Variants in PDE4D observed in about 807,000 individuals in gnomAD.
The protein encoded by PDE4D is phosphodiesterase 4D.
A neutral mutation model predicts 87.4 loss-of-function variants in PDE4D; 24 were observed. The observed-to-expected ratio is 0.27, with a 90% CI of 0.20 to 0.39. PDE4D has a LOEUF of 0.39. Among genes scored for constraint, PDE4D ranks in the 10% least tolerant of loss-of-function variants. PDE4D has a pLI of 1.00. For synonymous variants in PDE4D, 384 were observed against 383.2 expected (o/e 1.00, Z -0.02); for missense variants, 714 against 1,041.0 (o/e 0.69, Z 4.32).
chr5:59,971,072 T>C (rs1760691892), intron 3 of PDE4D, among the ~76,000 whole-genome samples: 1 of 151,542 alleles, frequency 6.6e-6, no homozygotes. Context: ...ATGGATGAAA[T>C]TGGAAATCAT....
At chr5:59,149,842 AT>A (rs139158971) in intron 5 of PDE4D, among the ~76,000 whole-genome samples, 1,636 of 149,380 alleles carry the variant, frequency 0.011, 24 homozygotes, top group African/African-American at 0.038. Flanking sequence ...GACTCATTAG[AT>A]TTTTTTTTAA....
intron 3 of PDE4D, among the ~76,000 whole-genome samples, chr5:59,934,986 C>T (rs1462303919): frequency 6.6e-6 from 1 of 152,060 alleles, no homozygotes; most frequent in African/African-American, 2.4e-5. Flanking sequence ...AATATAATCA[C>T]TGAAAATTTT....
intron 1 of PDE4D, among the ~76,000 whole-genome samples, chr5:59,719,053 T>C (rs1321002437): frequency 6.6e-6 from 1 of 150,576 alleles, no homozygotes; most frequent in Non-Finnish European, 1.5e-5. Flanking sequence ...TAAGGAGACA[T>C]AAGTGGCTTC....
chr5:60,067,429 G>C (rs1268530717), intron 2 of PDE4D, among the ~76,000 whole-genome samples: 1 of 151,964 alleles, frequency 6.6e-6, no homozygotes, highest in East Asian at 1.9e-4. Flanking sequence ...ATTGCTCTAT[G>C]TCTCAAAATA....
chr5:59,054,511 GTGTT>G (rs1312525372), intron 5 of PDE4D, among the ~76,000 whole-genome samples: 1 of 151,870 alleles, frequency 6.6e-6, no homozygotes, highest in Admixed American at 6.6e-5. Context: ...AGAAACTCTT[GTGTT>G]TTATAAATAA....
chr5:59,327,324 T>C (rs1775894636), intron 1 of PDE4D, among the ~76,000 whole-genome samples: 1 of 152,116 alleles, frequency 6.6e-6, no homozygotes, highest in Non-Finnish European at 1.5e-5. Context: ...AAATGCATTA[T>C]AAGTCTAAGT....
chr5:59,055,800 G>A (rs1168847266), intron 5 of PDE4D, among the ~76,000 whole-genome samples: 1 of 152,182 alleles, frequency 6.6e-6, no homozygotes, highest in African/African-American at 2.4e-5. Context: ...AGGTTATGAC[G>A]TGATTCATCT....
intron 1 of PDE4D, among the ~76,000 whole-genome samples, chr5:59,455,852 A>C (rs1799843761): frequency 6.6e-6 from 1 of 152,190 alleles, no homozygotes; most frequent in South Asian, 2.1e-4. Flanking sequence ...ATCATTTTGG[A>C]GCTTTAAGAT....
intron 1 of PDE4D, among the ~76,000 whole-genome samples, chr5:59,861,801 TTG>T (rs2152728355): frequency 6.6e-6 from 1 of 152,278 alleles, no homozygotes; most frequent in South Asian, 2.1e-4. Flanking sequence ...ATGGAAAACT[TTG>T]TGGATATGGA....
chr5:60,345,009 T>C (rs1758623630), intron 1 of PDE4D, among the ~76,000 whole-genome samples: 1 of 148,804 alleles, frequency 6.7e-6, no homozygotes, highest in South Asian at 2.3e-4. Context: ...TTTTGCAATC[T>C]TTTAATTTTT....
intron 1 of PDE4D, among the ~76,000 whole-genome samples, chr5:59,453,636 C>T (rs967513622): frequency 1.3e-4 from 20 of 152,106 alleles, no homozygotes; most frequent in Admixed American, 9.2e-4. Context: ...AGAACAAGGC[C>T]TTAACTCTCT....
chr5:59,839,439 G>T (rs1561746424), intron 1 of PDE4D, among the ~76,000 whole-genome samples: 1 of 151,642 alleles, frequency 6.6e-6, no homozygotes, highest in African/African-American at 2.4e-5. Context: ...TGTTTTTCAG[G>T]TTTTTTGCTG....
chr5:59,968,505 C>T (rs1243824686), intron 3 of PDE4D, among the ~76,000 whole-genome samples: 1 of 151,954 alleles, frequency 6.6e-6, no homozygotes, highest in Non-Finnish European at 1.5e-5. Context: ...TGGGATATAC[C>T]ATACCTAAGC....
At chr5:59,548,614 T>C (rs990237255) in intron 1 of PDE4D, among the ~76,000 whole-genome samples, 21 of 152,158 alleles carry the variant, frequency 1.4e-4, no homozygotes, top group African/African-American at 5.1e-4. Flanking sequence ...AGAAAAATAA[T>C]GCAGGAATGA....
chr5:60,193,170 C>T (rs566991557), intron 1 of PDE4D, among the ~76,000 whole-genome samples: 4 of 152,002 alleles, frequency 2.6e-5, no homozygotes, highest in Non-Finnish European at 5.9e-5. Flanking sequence ...TCAGGTTCCA[C>T]TTCACCTAGG....
intron 1 of PDE4D, among the ~76,000 whole-genome samples, chr5:59,818,233 C>T (rs1345822438): frequency 6.6e-6 from 1 of 152,188 alleles, no homozygotes; most frequent in African/African-American, 2.4e-5. Context: ...TGGTGATCGC[C>T]TAGCTGTGTG....
intron 1 of PDE4D, among the ~76,000 whole-genome samples, chr5:59,826,930 G>A (rs144618267): frequency 7.9e-5 from 12 of 152,128 alleles, no homozygotes; most frequent in South Asian, 2.1e-4. Flanking sequence ...AACAGGAATC[G>A]TCTATAGGAA....
chr5:59,239,284 G>A lies in PDE4D; in HGVS notation c.456-23316C>T, dbSNP rs558195476. 1.3e-4 allele frequency among the ~76,000 whole-genome samples: 20 copies of A among 152,232 alleles called. 1 individual carries two copies. Among genetic ancestry groups the A allele is most frequent in the Admixed American group, 1.2e-3 (19 of 15,276 alleles). On this transcript the variant is annotated intron_variant, in intron 1 of 14. Coordinates refer to ENST00000340635, the MANE Select transcript of PDE4D (RefSeq NM_001104631.2). Reference sequence around the variant, plus strand: ...TCATAGCTTTGGCAACACTGATCACGTTGCTGAAATGCCTCCTCACCGGAG... The same window carrying A: ...TCATAGCTTTGGCAACACTGATCACATTGCTGAAATGCCTCCTCACCGGAG...
intron 1 of PDE4D, among the ~76,000 whole-genome samples, chr5:59,573,749 G>T (rs1822273804): frequency 6.6e-6 from 1 of 151,742 alleles, no homozygotes; most frequent in African/African-American, 2.4e-5. Context: ...TGTAATCCTA[G>T]CACTTTGGGA....
Sources: gnomAD v4.1 joint callset for allele counts (sites outside exome capture counted in the v4.1 genomes callset) on GRCh38, gnomAD v4.1.1 for gene constraint, MANE v1.5 for transcripts, NCBI Gene and HGNC (gene_info 2026-07-23, HGNC 2026-07-21) for gene names.